The following RTN4IP1 variants were observed in gnomAD, a reference collection of about 807,000 sequenced individuals.
RTN4IP1 encodes NAD(P)H oxidoreductase RTN4IP1, mitochondrial.
RTN4IP1 carries 32 observed loss-of-function variants against 46.6 expected under a neutral mutation model. The observed-to-expected ratio is 0.69, with a 90% CI of 0.52 to 0.92. RTN4IP1 has a LOEUF of 0.92. Ranked by LOEUF, RTN4IP1 falls within the 40% of genes least tolerant of loss-of-function variation. The pLI is 0.00. For missense variants in RTN4IP1, 424 were observed against 485.8 expected (o/e 0.87, Z 1.20); for synonymous variants, 167 against 161.8 (o/e 1.03, Z -0.24).
chr6:106,581,185 A>C (rs1775362456), intron 8 of RTN4IP1, among the ~76,000 whole-genome samples: 1 of 152,204 alleles, frequency 6.6e-6, no homozygotes, highest in African/African-American at 2.4e-5. Context: ...TCTTGAAATA[A>C]CTTTTTCCAT....
At chr6:106,574,450 A>T (rs1241431051) in intron 8 of RTN4IP1, among the ~76,000 whole-genome samples, 2 of 152,026 alleles carry the variant, frequency 1.3e-5, no homozygotes, top group African/African-American at 4.8e-5. Context: ...CTCCAAAAAA[A>T]AAAAAACCAG....
chr6:106,593,592 T>G (rs1386739248), intron 5 of RTN4IP1, among the ~76,000 whole-genome samples: 1 of 152,220 alleles, frequency 6.6e-6, no homozygotes. Context: ...GGATCTGTGT[T>G]TGTCTGGTTC....
intron 8 of RTN4IP1, among the ~76,000 whole-genome samples, chr6:106,574,398 G>A (rs1272230188): frequency 2.6e-5 from 4 of 151,262 alleles, no homozygotes; most frequent in South Asian, 2.1e-4. Flanking sequence ...AACTGAGATC[G>A]CGCCACTGCA....
At chr6:106,602,192 T>C (rs1775964665) in intron 5 of RTN4IP1, among the ~76,000 whole-genome samples, 1 of 152,180 alleles carries the variant, frequency 6.6e-6, no homozygotes, top group African/African-American at 2.4e-5. Flanking sequence ...CCTCCAACTT[T>C]ATTCTTTTTT....
At position 106,592,694 on chromosome 6, in the gene RTN4IP1, C is replaced by T. The variant is rs1268022158; in HGVS notation, c.670-394G>A. Among the ~76,000 whole-genome samples the T allele has an allele frequency of 2.0e-5, 3 of 152,148 alleles. No individual in the cohort carries two copies. The East Asian group carries it at 5.8e-4, about 29-fold the overall frequency. The stretch of plus-strand genomic sequence containing the variant: ...ATCCCAGCACTTTGGGAGGCCGAGA[C>T]AGGTGGATCACCTGAGGTCAGGAGT... On this transcript the variant is annotated intron_variant, in intron 5 of 8. Coordinates refer to ENST00000369063, the MANE Select transcript of RTN4IP1 (RefSeq NM_032730.5).
Position 106,572,117 on chromosome 6 carries a change from G to C in RTN4IP1, c.1084-14C>G. ...AACTGGCCGGATCTGTAAAACATAA[G>C]AGGTTGACCGGTGGATAAAAAAGCC... On this transcript the variant is annotated splice_polypyrimidine_tract_variant and intron_variant, in intron 8 of 8. Coordinates refer to ENST00000369063, the MANE Select transcript of RTN4IP1 (RefSeq NM_032730.5). 6.3e-7 allele frequency: 1 copy of C among 1,592,376 alleles called. No individual in the cohort carries two copies. The highest frequency in any genetic ancestry group is 8.6e-7 in the Non-Finnish European group (1 of 1,162,332).
rs77619447 is a variant in RTN4IP1 at position 106,612,563 on chromosome 6, T to A, written c.620+6639A>T. The stretch of plus-strand genomic sequence containing the variant: ...TTTGCATAGACATGTTAGATACGAG[T>A]TCTAAATTTCTTTTCAAATAATTAA... On this transcript the variant is annotated intron_variant, in intron 4 of 8. Coordinates refer to ENST00000369063, the MANE Select transcript of RTN4IP1 (RefSeq NM_032730.5). Among the ~76,000 whole-genome samples the A allele has an allele frequency of 5.6e-3, 843 of 151,736 alleles. 35 individuals are homozygous for A. The East Asian group carries it at 0.1, about 18-fold the overall frequency.
At chr6:106,590,378 G>C (rs1173119638) in intron 6 of RTN4IP1, among the ~76,000 whole-genome samples, 9 of 151,730 alleles carry the variant, frequency 5.9e-5, no homozygotes, top group Admixed American at 5.3e-4. Context: ...GGAATGGGTA[G>C]AACTTGGCCC....
chr6:106,602,956 T>G (rs1372105090), intron 4 of RTN4IP1, 34 bp from the exon 5 acceptor site: 5 of 1,549,632 alleles, frequency 3.2e-6, no homozygotes, highest in Non-Finnish European at 4.4e-6. Flanking sequence ...TTAACGAGAA[T>G]CTAAAGCAGA....
intron 4 of RTN4IP1, among the ~76,000 whole-genome samples, chr6:106,605,424 CAA>C (rs1343572337): frequency 2.4e-4 from 25 of 104,970 alleles, no homozygotes; most frequent in Non-Finnish European, 1.8e-4. Flanking sequence ...GACCCTGTCT[CAA>C]AAAAAAAAAA....
chr6:106,592,140 T>G lies in RTN4IP1; in HGVS notation c.806+24A>C, dbSNP rs750704603. On this transcript the variant is annotated intron_variant, in intron 6 of 8. Coordinates refer to ENST00000369063, the MANE Select transcript of RTN4IP1 (RefSeq NM_032730.5). ...CAACTGTCCTTGTTCCCACTCCCAG[T>G]GTGAACATTGTTCTAATACATACGG... 2.5e-6 allele frequency: 4 copies of G among 1,609,276 alleles called. No homozygotes were observed. The East Asian group carries it at 8.9e-5, about 36-fold the overall frequency.
chr6:106,594,107 T>A (rs1424055024), intron 5 of RTN4IP1, among the ~76,000 whole-genome samples: 1 of 152,350 alleles, frequency 6.6e-6, no homozygotes, highest in East Asian at 1.9e-4. Flanking sequence ...TTTCTAGTTT[T>A]TCCTTTCCCA....
At chr6:106,606,202 G>C (rs1006207254) in intron 4 of RTN4IP1, among the ~76,000 whole-genome samples, 2 of 152,096 alleles carry the variant, frequency 1.3e-5, no homozygotes, top group African/African-American at 4.8e-5. Flanking sequence ...CAGGCAGATC[G>C]CTTGAGTCCA....
chr6:106,573,593 C>T (rs1182052830), intron 8 of RTN4IP1, among the ~76,000 whole-genome samples: 2 of 152,216 alleles, frequency 1.3e-5, no homozygotes, highest in Non-Finnish European at 2.9e-5. Context: ...CATTTAATCC[C>T]CATAACCATT....
chr6:106,606,859 T>C (rs1199716660), intron 4 of RTN4IP1, among the ~76,000 whole-genome samples: 2 of 152,098 alleles, frequency 1.3e-5, no homozygotes, highest in Non-Finnish European at 2.9e-5. Flanking sequence ...AATTCAAGCC[T>C]TATCAAAATA....
intron 8 of RTN4IP1, among the ~76,000 whole-genome samples, chr6:106,573,580 T>A (rs1203648891): frequency 6.6e-6 from 1 of 152,252 alleles, no homozygotes; most frequent in African/African-American, 2.4e-5. Flanking sequence ...AGAGATTTCA[T>A]CTCATTTAAT....
At chr6:106,595,157 T>C (rs1440748368) in intron 5 of RTN4IP1, among the ~76,000 whole-genome samples, 2 of 152,184 alleles carry the variant, frequency 1.3e-5, no homozygotes, top group African/African-American at 4.8e-5. Context: ...TCCTATAATT[T>C]ATCTATGGAA....
chr6:106,615,608 G>A (rs1054468436), intron 4 of RTN4IP1, among the ~76,000 whole-genome samples: 10 of 151,208 alleles, frequency 6.6e-5, no homozygotes, highest in Admixed American at 3.3e-4. Context: ...CCGAGTAGCT[G>A]GGACTACAGG....
At chr6:106,579,934 G>C (rs1017394870) in intron 8 of RTN4IP1, among the ~76,000 whole-genome samples, 3 of 151,854 alleles carry the variant, frequency 2.0e-5, no homozygotes, top group Non-Finnish European at 4.4e-5. Context: ...GATAGTTTAG[G>C]CCGGGCGCAG....
Sources: allele counts gnomAD v4.1 joint callset (sites outside exome capture counted in the v4.1 genomes callset), GRCh38; gene constraint gnomAD v4.1.1; transcripts MANE v1.5; gene names NCBI Gene and HGNC (gene_info 2026-07-23, HGNC 2026-07-21).